The following DIS3L2 variants were observed in gnomAD, a reference collection of about 807,000 sequenced individuals.
DIS3L2 encodes DIS3 like 3'-5' exoribonuclease 2.
DIS3L2 carries 34 observed loss-of-function variants against 97.5 expected under a neutral mutation model. The ratio of observed to expected loss-of-function variants is 0.35; its 90% confidence interval spans 0.27 to 0.46. The LOEUF (loss-of-function observed/expected upper bound fraction) is 0.46, where lower values mean the gene tolerates loss of function less well. Ranked by LOEUF, DIS3L2 falls within the 20% of genes least tolerant of loss-of-function variation. The pLI, the probability that DIS3L2 is intolerant of heterozygous loss-of-function variation, is 1.00. For synonymous variants in DIS3L2, 435 were observed against 445.2 expected, an observed-to-expected ratio of 0.98 and a Z score of 0.29; for missense variants, 1,038 against 1,146.0, an observed-to-expected ratio of 0.91 and a Z score of 1.36.
intron 5 of DIS3L2, among the ~76,000 whole-genome samples, chr2:232,046,007 C>T (rs1289792869): frequency 6.6e-6 from 1 of 152,070 alleles, no homozygotes; most frequent in Non-Finnish European, 1.5e-5. Context: ...ACTGGCGACA[C>T]CTGAATTTTG....
chr2:232,122,582 G>A lies in DIS3L2; in HGVS notation c.602-8037G>A, dbSNP rs1697939023. 5.9e-5 allele frequency among the ~76,000 whole-genome samples: 9 copies of A among 152,280 alleles called. No homozygotes were observed. In the South Asian group the frequency reaches 1.9e-3, roughly 32 times the overall value. ...AAAATACAAAAATTAGCCGGGCGTG[G>A]TGGCAGGTGCCTGTAATCCCAGCTA... On this transcript the variant is annotated intron_variant, in intron 6 of 20. Transcript: ENST00000325385.
intron 9 of DIS3L2, 130 bp from the exon 10 acceptor site, chr2:232,210,196 G>A (rs187785694): frequency 9.4e-5 from 61 of 651,332 alleles, no homozygotes; most frequent in Middle Eastern, 2.6e-4. Context: ...TCTCATTCTC[G>A]TAGAAGTTAT....
intron 5 of DIS3L2, among the ~76,000 whole-genome samples, chr2:232,061,178 A>G (rs1695693336): frequency 1.3e-5 from 2 of 152,158 alleles, no homozygotes; most frequent in Admixed American, 1.3e-4. Flanking sequence ...GGACTTCCCG[A>G]GCAACTTATT....
At chr2:232,113,822 G>A (rs1697617393) in intron 6 of DIS3L2, among the ~76,000 whole-genome samples, 2 of 152,192 alleles carry the variant, frequency 1.3e-5, no homozygotes, top group South Asian at 4.1e-4. Flanking sequence ...CTTGCCTGAA[G>A]ACTAGATTGC....
chr2:231,990,528 A>G (rs563762573), intron 1 of DIS3L2, among the ~76,000 whole-genome samples: 1 of 152,320 alleles, frequency 6.6e-6, no homozygotes, highest in South Asian at 2.1e-4. Flanking sequence ...GAAACATGAG[A>G]TTGAATTTAT....
rs554364004 is a variant in DIS3L2 at position 232,217,654 on chromosome 2, G to A, written c.1204+7249G>A. ...TAGAGTGGCTCACGGAAAACTCAGG[G>A]AAACGCTTAAGTTTAGTGGTTTATT... is the stretch of plus-strand genomic sequence containing the variant. On this transcript the variant is annotated intron_variant, in intron 10 of 20. Coordinates refer to ENST00000325385, the MANE Select transcript of DIS3L2 (RefSeq NM_152383.5). Among the ~76,000 whole-genome samples, 3 of 152,294 alleles carry A rather than the reference G, an allele frequency of 2.0e-5. No homozygotes were observed. The South Asian group carries it at 6.2e-4, about 32-fold the overall frequency.
intron 9 of DIS3L2, among the ~76,000 whole-genome samples, chr2:232,208,748 T>G (rs1692102069): frequency 6.6e-6 from 1 of 152,142 alleles, no homozygotes; most frequent in Non-Finnish European, 1.5e-5. Flanking sequence ...ACTTTTTGGG[T>G]TGGGCATCGT....
chr2:232,029,913 G>T, intron 4 of DIS3L2, 66 bp from the exon 5 acceptor site: 1 of 1,150,766 alleles, frequency 8.7e-7, no homozygotes. Flanking sequence ...TATGAAAGCA[G>T]GCAATCTGTT....
intron 13 of DIS3L2, among the ~76,000 whole-genome samples, 185 bp downstream of exon 13, chr2:232,263,625 A>G (rs941528581): frequency 2.6e-5 from 4 of 152,180 alleles, no homozygotes; most frequent in African/African-American, 9.7e-5. Flanking sequence ...ACAGGATATT[A>G]TGCAAAATAT....
At chr2:232,119,106 A>T (rs943466836) in intron 6 of DIS3L2, among the ~76,000 whole-genome samples, 9 of 152,078 alleles carry the variant, frequency 5.9e-5, no homozygotes, top group Admixed American at 4.6e-4. Flanking sequence ...TTGCTGCTGG[A>T]GATGTTCAAG....
intron 5 of DIS3L2, among the ~76,000 whole-genome samples, chr2:232,081,090 G>T (rs1254972433): frequency 6.6e-6 from 1 of 152,094 alleles, no homozygotes; most frequent in Non-Finnish European, 1.5e-5. Flanking sequence ...ATGTGATTGA[G>T]TGTGCATGGT....
chr2:232,319,242 C>T (rs1695361356), intron 14 of DIS3L2, among the ~76,000 whole-genome samples: 1 of 152,202 alleles, frequency 6.6e-6, no homozygotes. Context: ...GCACACGACA[C>T]TGTGTGGTTG....
intron 14 of DIS3L2, among the ~76,000 whole-genome samples, chr2:232,312,345 C>T (rs1695158127): frequency 6.6e-6 from 1 of 152,132 alleles, no homozygotes; most frequent in South Asian, 2.1e-4. Flanking sequence ...TCTGTTGACC[C>T]AGCATCATTT....
chr2:232,263,553 C>A, intron 13 of DIS3L2, 113 bp downstream of exon 13: 1 of 1,026,464 alleles, frequency 9.7e-7, no homozygotes, highest in Non-Finnish European at 1.5e-6. Flanking sequence ...TTGCTCCAGG[C>A]ACCACACTAA....
chr2:232,319,607 C>T (rs557745778), intron 14 of DIS3L2, among the ~76,000 whole-genome samples: 1 of 152,338 alleles, frequency 6.6e-6, no homozygotes, highest in East Asian at 1.9e-4. Flanking sequence ...ACAATTCTCA[C>T]CCAGGGGAGG....
chr2:232,067,106 GT>G (rs1695873421), intron 5 of DIS3L2, among the ~76,000 whole-genome samples: 1 of 151,728 alleles, frequency 6.6e-6, no homozygotes, highest in Non-Finnish European at 1.5e-5. Flanking sequence ...ATTTTCTCTA[GT>G]TTTTGGTCTG....
At chr2:232,065,320 C>T (rs3116242) in intron 5 of DIS3L2, among the ~76,000 whole-genome samples, 141,568 of 151,984 alleles carry the variant, frequency 0.93, 66,007 homozygotes, top group East Asian at 1. Flanking sequence ...TCTTTTTTTT[C>T]CTTATAAAAG....
intron 1 of DIS3L2, among the ~76,000 whole-genome samples, chr2:231,977,363 A>G (rs1205825233): frequency 6.6e-6 from 1 of 152,172 alleles, no homozygotes; most frequent in Non-Finnish European, 1.5e-5. Context: ...TGTTTATTGT[A>G]TAAGAAGTCT....
chr2:232,223,015 GT>G (rs1278275362), intron 10 of DIS3L2, among the ~76,000 whole-genome samples: 2 of 152,176 alleles, frequency 1.3e-5, no homozygotes, highest in African/African-American at 4.8e-5. Flanking sequence ...CTTGATTTCT[GT>G]GGGGTCTGGG....
Sources: gnomAD v4.1 joint callset for allele counts (sites outside exome capture counted in the v4.1 genomes callset) on GRCh38, gnomAD v4.1.1 for gene constraint, MANE v1.5 for transcripts, NCBI Gene and HGNC (gene_info 2026-07-23, HGNC 2026-07-21) for gene names.